The following KANK3 variants were observed in gnomAD, a reference collection of about 807,000 sequenced individuals.
The protein encoded by KANK3 is KN motif and ankyrin repeat domain-containing protein 3.
A neutral mutation model predicts 65.4 loss-of-function variants in KANK3; 61 were observed. The observed-to-expected ratio is 0.93, with a 90% CI of 0.76 to 1.15. The LOEUF is 1.15. Ranked by LOEUF, KANK3 falls within the 50% of genes most tolerant of loss-of-function variation. The probability of loss-of-function intolerance (pLI) is 0.00; values close to 1 mark genes in which losing one functional copy is unlikely to be tolerated. For synonymous variants in KANK3, 586 were observed against 543.3 expected, an observed-to-expected ratio of 1.08 and a Z score of -1.09; for missense variants, 1,187 against 1,178.8, an observed-to-expected ratio of 1.01 and a Z score of -0.10.
chr19:8,322,824 GCC>G lies in KANK3; in HGVS notation c.*13_*14del. On this transcript the variant is annotated 3_prime_UTR_variant, in exon 11 of 11. Coordinates refer to ENST00000330915, the MANE Select transcript of KANK3 (RefSeq NM_198471.3). ...ATCTCCCCACAGCTAGGTGTAGTGA[GCC>G]AGACGAGGCAGCTTACTGAACCTGG... The G allele has an allele frequency of 6.3e-7, 1 of 1,595,278 alleles. No homozygotes were observed. The highest frequency in any genetic ancestry group is 8.6e-7 in the Non-Finnish European group (1 of 1,165,948).
intron 4 of KANK3, 95 bp from the exon 5 acceptor site, chr19:8,334,211 G>C (rs1970585038): frequency 6.6e-7 from 1 of 1,523,086 alleles, no homozygotes; most frequent in Non-Finnish European, 8.8e-7. Context: ...TTAACGATGA[G>C]GAAACTGAGG....
rs1970400652 is a variant in KANK3, at chr19:8,325,074, C to G, written c.1959G>C (p.Gln653His). Residue 653 changes from glutamine to histidine, a missense_variant, in exon 8 of 11, where the codon CAG becomes CAC. Physicochemically the swap from Gln to His is conservative, Grantham distance 24. Around this residue, in one of 3 missense-constraint regions of KANK3, gnomAD observed 1,078 missense variants for 1,038.2 expected, o/e 1.04. Transcript: ENST00000330915. ...TGAGGGCCGAGTAGCCGGCTCGGTT[C>G]TGGCGGTTGACCTCGCAGGCCCCTG... ...LDTGACEVNR[Q>H]NRAGYSALML... is the part of the protein sequence containing the mutation. 1 of 1,613,250 alleles carries G rather than the reference C, an allele frequency of 6.2e-7. No homozygotes were observed. Among genetic ancestry groups the G allele is most frequent in the African/African-American group, 1.3e-5 (1 of 74,910 alleles).
intron 7 of KANK3, among the ~76,000 whole-genome samples, chr19:8,325,881 C>T (rs1364581195): frequency 1.3e-5 from 2 of 152,022 alleles, no homozygotes; most frequent in Non-Finnish European, 2.9e-5. Flanking sequence ...GGCTGGAGTG[C>T]AGTGGCACGA....
intron 10 of KANK3, among the ~76,000 whole-genome samples, chr19:8,324,050 G>A (rs1032100341): frequency 6.6e-6 from 1 of 152,186 alleles, no homozygotes; most frequent in East Asian, 1.9e-4. Context: ...GTGACCTTAG[G>A]TTACTTCCCC....
At chr19:8,324,301 A>C in intron 10 of KANK3, 148 bp downstream of exon 10, 1 of 687,332 alleles carries the variant, frequency 1.5e-6, no homozygotes, top group Non-Finnish European at 2.5e-6. Context: ...AAAAAAGAAA[A>C]GCAGCCACAT....
chr19:8,337,170 CT>C (rs1481088703), intron 2 of KANK3, among the ~76,000 whole-genome samples: 1 of 150,038 alleles, frequency 6.7e-6, no homozygotes, highest in Non-Finnish European at 1.5e-5. Context: ...GTAGCTGGGA[CT>C]ACAGGCACGC....
chr19:8,341,175 A>G (rs372787543), intron 1 of KANK3, among the ~76,000 whole-genome samples: 1 of 151,416 alleles, frequency 6.6e-6, no homozygotes, highest in African/African-American at 2.4e-5. Context: ...AACGCTTTTG[A>G]TATTTACTAT....
At position 8,335,532 on chromosome 19, in the gene KANK3, C is replaced by T; in HGVS notation, c.295G>A (p.Asp99Asn). Residue 99 changes from aspartate to asparagine, a missense_variant, in exon 3 of 11, where the codon GAC (aspartate) becomes AAC (asparagine). Around this residue, in one of 3 missense-constraint regions of KANK3, gnomAD observed 5 missense variants for 18.5 expected, o/e 0.27. Transcript: ENST00000330915. ...GAGAGTATGCCCGGTGCTCCACCGT[C>T]GTCACTGGCCAGGGACTCGCTGGAT... ...WTSSESLASD[D>N]GGAPGILSQG... is the part of the protein sequence containing the mutation. 1 of 1,223,814 alleles carries T rather than the reference C, an allele frequency of 8.2e-7. No individual in the cohort carries two copies. The highest frequency in any genetic ancestry group is 1.0e-6 in the Non-Finnish European group (1 of 975,150). 75.8% of individuals were successfully genotyped at this position (1,223,814 alleles called of 1,614,324 possible).
intron 10 of KANK3, 98 bp from the exon 11 acceptor site, chr19:8,323,020 A>C (rs543265937): frequency 1.5e-6 from 1 of 682,736 alleles, no homozygotes; most frequent in African/African-American, 1.9e-5. Context: ...TTCTTTTACC[A>C]TGGACCCAGG....
In KANK3 at chr19:8,332,804, A is replaced by G. The variant is rs564152543; in HGVS notation, c.1936+210T>C. The G allele has an allele frequency of 1.3e-4, 31 of 240,282 alleles. No individual in the cohort carries two copies. The East Asian group carries it at 2.2e-3, about 17-fold the overall frequency. 14.9% of individuals were successfully genotyped at this position (240,282 alleles called of 1,614,324 possible). On this transcript the variant is annotated intron_variant, in intron 7 of 10. Transcript: ENST00000330915. The stretch of plus-strand genomic sequence containing the variant: ...TGCACTCCTGCCTGGTGACAGTGTG[A>G]AACTCCGTCTCAAAAATAAAATAAA...
rs1429636065 is a variant in KANK3, at chr19:8,324,646, G to A, written c.2267C>T (p.Pro756Leu). ...GGGTCTTACATTGTCCAGGATGGCAGGGTCACAGCCTGGCTGGGTGAGCAG... is the reference window on the plus strand; with the variant it reads ...GGGTCTTACATTGTCCAGGATGGCAAGGTCACAGCCTGGCTGGGTGAGCAG... ...RLLLTQPGCD[P>L]AILDNEGTSA... is the part of the protein sequence containing the mutation. Residue 756 changes from proline (P) to leucine (L), a missense_variant, in exon 9 of 11, where the codon CCT becomes CTT. Pro to Leu is a moderately conservative substitution (Grantham distance 98). Transcript: ENST00000330915. The A allele has an allele frequency of 1.2e-6, 2 of 1,614,040 alleles. No homozygotes were observed. Among genetic ancestry groups the A allele is most frequent in the Admixed American group, 3.3e-5 (2 of 60,030 alleles).
Position 8,333,880 on chromosome 19 carries a change from C to T in KANK3, c.1634+30G>A, listed in dbSNP as rs773122344. On this transcript the variant is annotated intron_variant, in intron 5 of 10. Transcript: ENST00000330915. This position sits in a 1 kb window ranked among gnomAD's most constrained non-coding sequence, Gnocchi z 5.0. Reference sequence around the variant, plus strand: ...CGACCAGGAGGAGGGCAGCCGCCTCCTCTCCAAACAACTAGCGAGCGCCGC... The same window carrying T: ...CGACCAGGAGGAGGGCAGCCGCCTCTTCTCCAAACAACTAGCGAGCGCCGC... 970 of 1,563,302 alleles carry T rather than the reference C, an allele frequency of 6.2e-4. No individual in the cohort carries two copies. The highest frequency in any genetic ancestry group is 8.1e-4 in the Non-Finnish European group (932 of 1,155,956).
chr19:8,332,893 G>A (rs1454770337), intron 7 of KANK3, 121 bp downstream of exon 7: 1 of 648,350 alleles, frequency 1.5e-6, no homozygotes, highest in Admixed American at 2.5e-5. Flanking sequence ...AGGAGGAGTG[G>A]TGCCCTGTGC....
intron 8 of KANK3, 41 bp downstream of exon 8, chr19:8,324,910 G>A: frequency 6.2e-7 from 1 of 1,605,810 alleles, no homozygotes; most frequent in Non-Finnish European, 8.5e-7. Flanking sequence ...CAAAGTGGAA[G>A]TGACTCCTGG....
chr19:8,325,034 T>C lies in KANK3; in HGVS notation c.1999A>G (p.Thr667Ala). Reference protein sequence around the residue: ...GYSALMLAALTSVRQEEEDMA... With the variant: ...GYSALMLAALASVRQEEEDMA... ...TCCTCCTCTTCCTGCCTCACAGAGG[T>C]GAGTGCAGCCAGCATGAGGGCCGAG... is the stretch of plus-strand genomic sequence containing the variant. Residue 667 changes from threonine to alanine, a missense_variant, in exon 8 of 11, where the codon ACC becomes GCC. Thr to Ala is a moderately conservative substitution (Grantham distance 58, BLOSUM62 0). Transcript: ENST00000330915. The C allele has an allele frequency of 6.2e-7, 1 of 1,613,616 alleles. No homozygotes were observed. Among genetic ancestry groups the C allele is most frequent in the Non-Finnish European group, 8.5e-7 (1 of 1,179,944 alleles).
At chr19:8,339,474 C>T (rs1274470656) in intron 1 of KANK3, among the ~76,000 whole-genome samples, 2 of 151,866 alleles carry the variant, frequency 1.3e-5, no homozygotes, top group East Asian at 3.9e-4. Context: ...ATTCTCCTGC[C>T]TCAGCCTCCT....
Position 8,322,765 on chromosome 19 carries a change from C to A in KANK3, c.*74G>T. 8.5e-7 allele frequency: 1 copy of A among 1,174,968 alleles called. No homozygotes were observed. Among genetic ancestry groups the A allele is most frequent in the Non-Finnish European group, 1.2e-6 (1 of 801,386 alleles). 72.8% of individuals were successfully genotyped at this position (1,174,968 alleles called of 1,614,324 possible). A position where few individuals can be genotyped will look rare whatever the true frequency, so the allele number is the denominator to read the frequency against. ...TCTGAGCAGGGGACCCTGGACCCTT[C>A]TGTGCGCCAAAGGCTGAGGTGACTG... On this transcript the variant is annotated 3_prime_UTR_variant, in exon 11 of 11. Transcript: ENST00000330915.
intron 1 of KANK3, among the ~76,000 whole-genome samples, chr19:8,338,816 A>G (rs991516269): frequency 3.6e-5 from 5 of 138,938 alleles, no homozygotes; most frequent in Non-Finnish European, 7.6e-5. Flanking sequence ...CGGAGCTTGC[A>G]GTGAGCTGAG....
chr19:8,327,430 G>A (rs1970448116), intron 7 of KANK3, among the ~76,000 whole-genome samples: 1 of 152,102 alleles, frequency 6.6e-6, no homozygotes, highest in South Asian at 2.1e-4. Flanking sequence ...AAGAGATCAA[G>A]ACCATCCTGG....
Sources: gnomAD v4.1 joint callset for allele counts (sites outside exome capture counted in the v4.1 genomes callset) on GRCh38, gnomAD v4.1.1 for gene constraint, gnomAD v4.1.1 regional missense constraint, Gnocchi (gnomAD v3.1) non-coding constraint, MANE v1.5 for transcripts, NCBI Gene and HGNC (gene_info 2026-07-23, HGNC 2026-07-21) for gene names.